Variants in BACH2 observed in about 807,000 individuals in gnomAD.
The protein encoded by BACH2 is BACH transcriptional regulator 2.
BACH2 carries 5 observed loss-of-function variants against 61.8 expected under a neutral mutation model. The observed-to-expected ratio is 0.08, with a 90% CI of 0.04 to 0.17. BACH2 has a LOEUF of 0.17. BACH2 is among the 10% of genes least tolerant of loss of function. The pLI is 1.00. For missense variants in BACH2, 824 were observed against 1,091.1 expected (o/e 0.76, Z 3.45); for synonymous variants, 446 against 440.1 (o/e 1.01, Z -0.17).
intron 6 of BACH2, among the ~76,000 whole-genome samples, chr6:89,978,946 C>T (rs1262145204): frequency 1.3e-5 from 2 of 152,122 alleles, no homozygotes; most frequent in Non-Finnish European, 1.5e-5. Context: ...TTGTGAACTC[C>T]GAGGGGGTTG....
At chr6:90,026,178 T>C (rs1330205616) in intron 5 of BACH2, among the ~76,000 whole-genome samples, 2 of 152,192 alleles carry the variant, frequency 1.3e-5, no homozygotes, top group African/African-American at 2.4e-5. Context: ...AACTTTAGCA[T>C]TTCTGTCAAA....
chr6:90,017,736 T>G (rs552169682), intron 5 of BACH2, among the ~76,000 whole-genome samples: 4 of 152,220 alleles, frequency 2.6e-5, no homozygotes, highest in African/African-American at 9.6e-5. Flanking sequence ...TGGAATATAG[T>G]TATAATAACT....
intron 4 of BACH2, among the ~76,000 whole-genome samples, chr6:90,186,840 A>G (rs1479724277): frequency 3.9e-5 from 6 of 152,156 alleles, no homozygotes; most frequent in Non-Finnish European, 7.3e-5. Context: ...AAGGTTAGGG[A>G]CCTTGACCAA....
chr6:90,019,831 T>C (rs969537380), intron 5 of BACH2, among the ~76,000 whole-genome samples: 7 of 151,960 alleles, frequency 4.6e-5, no homozygotes, highest in Non-Finnish European at 1.0e-4. Context: ...TTCTCAAGAG[T>C]AGACTCCATA....
At position 89,930,075 on chromosome 6, in the gene BACH2, C is replaced by T. The variant is rs1436491838; in HGVS notation, c.*2333G>A. Reference sequence around the variant, plus strand: ...AAATTCCAACAACCATAACAAAAACCAGCAGCTCCAACACAGAGCTTTATC... The same window carrying T: ...AAATTCCAACAACCATAACAAAAACTAGCAGCTCCAACACAGAGCTTTATC... On this transcript the variant is annotated 3_prime_UTR_variant, in exon 9 of 9. Transcript: ENST00000257749. 1 of 148,654 alleles carries T rather than the reference C, an allele frequency of 6.7e-6. No homozygotes were observed. Among genetic ancestry groups the T allele is most frequent in the Non-Finnish European group, 1.5e-5 (1 of 67,622 alleles). 9.2% of individuals were successfully genotyped at this position (148,654 alleles called of 1,614,324 possible). A position where few individuals can be genotyped will look rare whatever the true frequency, so the allele number is the denominator to read the frequency against.
intron 5 of BACH2, among the ~76,000 whole-genome samples, chr6:90,026,022 G>A (rs1427582978): frequency 6.6e-6 from 1 of 151,908 alleles, no homozygotes; most frequent in Non-Finnish European, 1.5e-5. Context: ...CTTCTTCATC[G>A]GGTGGGAGGG....
At chr6:90,211,992 A>C (rs901950834) in intron 3 of BACH2, among the ~76,000 whole-genome samples, 20 of 152,200 alleles carry the variant, frequency 1.3e-4, no homozygotes, top group Non-Finnish European at 2.4e-4. Context: ...CTTTTGGAGA[A>C]GGAGTAAGTG....
intron 1 of BACH2, among the ~76,000 whole-genome samples, chr6:90,282,248 A>C (rs887154065): frequency 9.2e-5 from 14 of 152,156 alleles, no homozygotes; most frequent in African/African-American, 3.4e-4. Flanking sequence ...TATACAGATT[A>C]TTTCATCACT....
At chr6:90,207,774 TA>T (rs1214853218) in intron 3 of BACH2, among the ~76,000 whole-genome samples, 1 of 152,224 alleles carries the variant, frequency 6.6e-6, no homozygotes, top group African/African-American at 2.4e-5. Context: ...TAACCATCTT[TA>T]GTTCTTAGTA....
chr6:89,933,042 T>A, intron 8 of BACH2, 152 bp from the exon 9 acceptor site: 1 of 853,778 alleles, frequency 1.2e-6, no homozygotes, highest in Admixed American at 3.2e-5. Context: ...TAAAGATACA[T>A]ATTCAGGGGG....
At chr6:90,249,214 G>C (rs1165368017) in intron 3 of BACH2, among the ~76,000 whole-genome samples, 1 of 152,078 alleles carries the variant, frequency 6.6e-6, no homozygotes, top group Non-Finnish European at 1.5e-5. Context: ...GCAGAGTGAG[G>C]GTTTGCTAAA....
intron 6 of BACH2, among the ~76,000 whole-genome samples, chr6:89,994,585 CG>C (rs1776747078): frequency 6.6e-6 from 1 of 152,136 alleles, no homozygotes. Context: ...CCGAGTTGGA[CG>C]GAAGGGACCA....
In BACH2 at chr6:90,275,325, G is replaced by A. The variant is rs181845698; in HGVS notation, c.-445-3384C>T. Among the ~76,000 whole-genome samples, 608 of 152,186 alleles carry A rather than the reference G, an allele frequency of 4.0e-3. 4 individuals carry two copies. Among genetic ancestry groups the A allele is most frequent in the African/African-American group, 0.013 (552 of 41,532 alleles). On this transcript the variant is annotated intron_variant, in intron 1 of 8. Transcript: ENST00000257749. Reference sequence around the variant, plus strand: ...GAGAACATACCTGCTCTTCAAATATGACTTGAAAATTATTTGGTTTCTCCC... The same window carrying A: ...GAGAACATACCTGCTCTTCAAATATAACTTGAAAATTATTTGGTTTCTCCC...
At chr6:90,156,717 G>T (rs2127831723) in intron 4 of BACH2, among the ~76,000 whole-genome samples, 1 of 152,196 alleles carries the variant, frequency 6.6e-6, no homozygotes, top group African/African-American at 2.4e-5. Flanking sequence ...AAGAAAGGCA[G>T]CAGATTTCAC....
At position 89,967,039 on chromosome 6, in the gene BACH2, C is replaced by T. The variant is rs1338142724; in HGVS notation, c.244-15177G>A. On this transcript the variant is annotated intron_variant, in intron 6 of 8. Coordinates refer to ENST00000257749, the MANE Select transcript of BACH2 (RefSeq NM_021813.4). Reference sequence around the variant, plus strand: ...TCTGGCAGCAGCAGAGATGCTGAGGCAGGGGAGAAAGAAATTTCTAACAAT... The same window carrying T: ...TCTGGCAGCAGCAGAGATGCTGAGGTAGGGGAGAAAGAAATTTCTAACAAT... Among the ~76,000 whole-genome samples, 6 of 152,232 alleles carry T rather than the reference C, an allele frequency of 3.9e-5. No homozygotes were observed. The East Asian group carries it at 1.2e-3, about 29-fold the overall frequency.
chr6:90,172,382 G>T (rs912586052), intron 4 of BACH2, among the ~76,000 whole-genome samples: 1 of 151,682 alleles, frequency 6.6e-6, no homozygotes, highest in African/African-American at 2.4e-5. Context: ...GATGTAAAGG[G>T]CAGAATGTGA....
intron 5 of BACH2, among the ~76,000 whole-genome samples, chr6:90,009,435 G>A (rs1777589236): frequency 6.6e-6 from 1 of 152,186 alleles, no homozygotes; most frequent in Non-Finnish European, 1.5e-5. Flanking sequence ...GTCAGCTATT[G>A]CATCTGCCCT....
At chr6:90,196,888 T>C (rs1163374399) in intron 4 of BACH2, among the ~76,000 whole-genome samples, 2 of 152,088 alleles carry the variant, frequency 1.3e-5, no homozygotes, top group African/African-American at 4.8e-5. Context: ...GAAGAACATA[T>C]AAACTATGAT....
intron 4 of BACH2, among the ~76,000 whole-genome samples, chr6:90,124,459 A>G (rs1159255653): frequency 1.3e-5 from 2 of 152,196 alleles, no homozygotes; most frequent in Non-Finnish European, 2.9e-5. Flanking sequence ...AGCATTGACA[A>G]CACTAAGGAA....
Sources: gnomAD v4.1 joint callset for allele counts (sites outside exome capture counted in the v4.1 genomes callset) on GRCh38, gnomAD v4.1.1 for gene constraint, MANE v1.5 for transcripts, NCBI Gene and HGNC (gene_info 2026-07-23, HGNC 2026-07-21) for gene names.